Variants in PDGFD observed in about 807,000 individuals in gnomAD.
PDGFD encodes the protein platelet-derived growth factor D.
In PDGFD, 30 loss-of-function variants were observed where a neutral mutation model predicts 44.7. The ratio of observed to expected loss-of-function variants is 0.67; its 90% CI spans 0.50 to 0.91. The LOEUF is 0.91. PDGFD is among the 40% of genes least tolerant of loss of function. The pLI is 0.00. For missense variants in PDGFD, 445 were observed against 457.8 expected (o/e 0.97, Z 0.25); for synonymous variants, 173 against 168.4 (o/e 1.03, Z -0.21).
At chr11:104,031,491 C>T (rs1365039986) in intron 1 of PDGFD, among the ~76,000 whole-genome samples, 1 of 152,122 alleles carries the variant, frequency 6.6e-6, no homozygotes, top group Non-Finnish European at 1.5e-5. Flanking sequence ...GTCAAGGAAA[C>T]AACAGATGCT....
intron 3 of PDGFD, among the ~76,000 whole-genome samples, chr11:103,990,403 G>A (rs1302523578): frequency 2.0e-5 from 3 of 152,130 alleles, no homozygotes; most frequent in Non-Finnish European, 4.4e-5. Flanking sequence ...AGCTGGAATG[G>A]GCTCCATACT....
At chr11:104,030,084 C>T (rs1432376730) in intron 1 of PDGFD, among the ~76,000 whole-genome samples, 1 of 152,172 alleles carries the variant, frequency 6.6e-6, no homozygotes, top group Non-Finnish European at 1.5e-5. Flanking sequence ...TATAAAATTA[C>T]CTTCAGTCTA....
At chr11:103,983,349 T>C (rs1184237846) in intron 3 of PDGFD, among the ~76,000 whole-genome samples, 1 of 151,686 alleles carries the variant, frequency 6.6e-6, no homozygotes, top group East Asian at 1.9e-4. Context: ...AATGGTGCTG[T>C]GAGAACTGGC....
intron 1 of PDGFD, chr11:104,038,856 C>T (rs1366840613): frequency 6.0e-6 from 1 of 167,030 alleles, no homozygotes; most frequent in Non-Finnish European, 1.5e-5. Context: ...GTCATTGCAA[C>T]TAGATCATCT....
chr11:104,096,082 C>T (rs767074506), intron 1 of PDGFD, among the ~76,000 whole-genome samples: 9 of 152,122 alleles, frequency 5.9e-5, no homozygotes, highest in Non-Finnish European at 1.3e-4. Flanking sequence ...AGTTCTGAAT[C>T]TCCTGTTATT....
At chr11:104,046,904 C>A (rs766847719) in intron 1 of PDGFD, among the ~76,000 whole-genome samples, 1 of 146,046 alleles carries the variant, frequency 6.8e-6, no homozygotes, top group African/African-American at 2.5e-5. Flanking sequence ...CCTCCACCCC[C>A]GACAGGCTCC....
intron 1 of PDGFD, among the ~76,000 whole-genome samples, chr11:104,055,543 T>C (rs200144100): frequency 2.0e-5 from 3 of 152,314 alleles, no homozygotes; most frequent in East Asian, 3.9e-4. Flanking sequence ...TCTTTAGCAG[T>C]CATAGTAAAA....
At chr11:104,019,535 A>G (rs1208218456) in intron 1 of PDGFD, among the ~76,000 whole-genome samples, 1 of 152,248 alleles carries the variant, frequency 6.6e-6, no homozygotes, top group Non-Finnish European at 1.5e-5. Context: ...GCAAAGTACA[A>G]TGGCAGACAC....
chr11:104,062,775 C>T (rs1295209477), intron 1 of PDGFD, among the ~76,000 whole-genome samples: 2 of 152,126 alleles, frequency 1.3e-5, no homozygotes, highest in African/African-American at 4.8e-5. Flanking sequence ...GGGAAGAAAA[C>T]AAAAATGCCT....
chr11:104,147,133 A>T (rs893477565), intron 1 of PDGFD, among the ~76,000 whole-genome samples: 1 of 152,206 alleles, frequency 6.6e-6, no homozygotes, highest in Non-Finnish European at 1.5e-5. Flanking sequence ...GTTGTTGAAG[A>T]GATTCTGATC....
At chr11:103,923,554 G>A (rs1858258573) in intron 6 of PDGFD, among the ~76,000 whole-genome samples, 1 of 152,108 alleles carries the variant, frequency 6.6e-6, no homozygotes, top group Non-Finnish European at 1.5e-5. Context: ...ACCATGAGCT[G>A]GGGAAACTGG....
intron 1 of PDGFD, among the ~76,000 whole-genome samples, chr11:104,087,195 A>ATTTTTTT (rs33989914): frequency 1.5e-5 from 2 of 129,104 alleles, no homozygotes; most frequent in African/African-American, 5.9e-5. Context: ...CAACTGGCTA[A>ATTTTTTT]TTTTTTTTTT....
rs371661369 is a variant in PDGFD, at chr11:104,092,083, A to G, written c.124+71721T>C. The stretch of plus-strand genomic sequence containing the variant: ...GATGAAGAAACTAAAGCTTTGAGAA[A>G]AAAAGGCCCCTAAGCCATGGCTCAG... On this transcript the variant is annotated intron_variant, in intron 1 of 6. Coordinates refer to ENST00000393158, the MANE Select transcript of PDGFD (RefSeq NM_025208.5). 5.3e-5 allele frequency among the ~76,000 whole-genome samples: 8 copies of G among 152,300 alleles called. No individual in the cohort carries two copies. The East Asian group carries it at 1.5e-3, about 29-fold the overall frequency.
At chr11:103,955,016 T>G (rs997110941) in intron 3 of PDGFD, among the ~76,000 whole-genome samples, 22 of 149,556 alleles carry the variant, frequency 1.5e-4, no homozygotes, top group Non-Finnish European at 7.4e-5. Flanking sequence ...TACAAAAAAT[T>G]AGCCGGGCGT....
chr11:104,000,280 A>T, intron 1 of PDGFD, 25 bp from the exon 2 acceptor site: 1 of 1,585,530 alleles, frequency 6.3e-7, no homozygotes, highest in Non-Finnish European at 8.7e-7. Flanking sequence ...AACTTGTAGA[A>T]ATTAGTATGT....
At chr11:103,985,113 TATATA>T (rs1293356062) in intron 3 of PDGFD, among the ~76,000 whole-genome samples, 1 of 134,714 alleles carries the variant, frequency 7.4e-6, no homozygotes, top group Non-Finnish European at 1.6e-5. Flanking sequence ...ATTTATTTAA[TATATA>T]ATATATTAAT....
chr11:104,004,520 G>A (rs547017399), intron 1 of PDGFD, among the ~76,000 whole-genome samples: 1 of 152,182 alleles, frequency 6.6e-6, no homozygotes, highest in African/African-American at 2.4e-5. Context: ...TATGTGGAGC[G>A]GGAAGGGGTT....
At chr11:103,911,385 CCTGA>C (rs532731512) in intron 6 of PDGFD, among the ~76,000 whole-genome samples, 295 of 152,242 alleles carry the variant, frequency 1.9e-3, no homozygotes, top group African/African-American at 6.6e-3. Context: ...AGCAGAGCGG[CCTGA>C]CTGTTAGAAG....
In PDGFD at chr11:103,996,117, G is replaced by T; in HGVS notation, c.458C>A (p.Ser153Tyr). 1 of 1,613,702 alleles carries T rather than the reference G, an allele frequency of 6.2e-7. No homozygotes were observed. The highest frequency in any genetic ancestry group is 1.3e-5 in the African/African-American group (1 of 75,022). The part of the protein sequence containing the change: ...RTNQIKITFK[S>Y]DDYFVAKPGF... ...AGGTTTAGCCACAAAGTAGTCATCGGACTTGAATGTGATTTTAATTTGGTT... is the reference window on the plus strand; with the variant it reads ...AGGTTTAGCCACAAAGTAGTCATCGTACTTGAATGTGATTTTAATTTGGTT... Residue 153 changes from serine to tyrosine, a missense_variant, in exon 3 of 7, where the codon TCC becomes TAC. Transcript: ENST00000393158.
Sources: gnomAD v4.1 joint callset for allele counts (sites outside exome capture counted in the v4.1 genomes callset) on GRCh38, gnomAD v4.1.1 for gene constraint, MANE v1.5 for transcripts, NCBI Gene and HGNC (gene_info 2026-07-23, HGNC 2026-07-21) for gene names.